KBTBD4: variants seen among roughly 807,000 people sequenced by gnomAD.
KBTBD4 encodes kelch repeat and BTB domain containing 4, also known as kelch repeat and BTB domain-containing protein 4.
A neutral mutation model predicts 43.9 loss-of-function variants in KBTBD4; 30 were observed. That is an observed-to-expected ratio of 0.68 (90% CI 0.51 to 0.93). KBTBD4 has a LOEUF of 0.93. KBTBD4 is among the 40% of genes least tolerant of loss of function. The pLI is 0.00. For synonymous variants in KBTBD4, 258 were observed against 256.9 expected (o/e 1.00, Z -0.04); for missense variants, 575 against 668.8 (o/e 0.86, Z 1.55).
Position 47,573,770 on chromosome 11 carries a change from G to A in KBTBD4, c.765C>T (p.His255=), listed in dbSNP as rs61751915. The A allele has an allele frequency of 1.7e-4, 271 of 1,574,432 alleles. No individual in the cohort carries two copies. In the African/African-American group the frequency reaches 3.1e-3, roughly 18 times the overall value. The change falls in exon 4 of 4, where the codon CAC becomes CAT. Residue 255 remains histidine, a synonymous_variant. Transcript: ENST00000430070. The surrounding 1 kb of genome is among the most constrained non-coding windows in gnomAD (Gnocchi z 4.1). ...ATGACTCTTTCCCAATCAGGTAAAT[G>A]TGCACATTCTCCCCAATTTCCTATT... is the stretch of plus-strand genomic sequence containing the variant. ...TSLKEIGENV[H]IYLIGKESSR... is the part of the protein sequence containing the mutation.
intron 3 of KBTBD4, among the ~76,000 whole-genome samples, chr11:47,574,194 A>C (rs1459633745): frequency 1.3e-5 from 2 of 152,130 alleles, no homozygotes; most frequent in Non-Finnish European, 2.9e-5. Context: ...ATAAATACAA[A>C]AAATTAAAAA....
Position 47,577,868 on chromosome 11 carries a change from A to G in KBTBD4, c.180T>C (p.Phe60=). The change falls in exon 2 of 4, where the codon TTT becomes TTC. Residue 60 remains phenylalanine, a synonymous_variant. Coordinates refer to ENST00000430070, the MANE Select transcript of KBTBD4 (RefSeq NM_018095.6). ...IMKLCLEEEL[F]ADVTISVEGR... Reference sequence around the variant, plus strand: ...CTTCCACCGAAATGGTGACATCAGCAAAGAGCTCCTCCTCTAGACACAGTT... The same window carrying G: ...CTTCCACCGAAATGGTGACATCAGCGAAGAGCTCCTCCTCTAGACACAGTT... 2 of 1,614,228 alleles carry G rather than the reference A, an allele frequency of 1.2e-6. No individual in the cohort carries two copies. Among genetic ancestry groups the G allele is most frequent in the South Asian group, 1.1e-5 (1 of 91,090 alleles).
chr11:47,577,685 AT>A lies in KBTBD4; in HGVS notation c.362del (p.His121LeufsTer4), dbSNP rs756540151. ...CCTCAGCTCGAAGTTTCACAGTCCC[AT>A]GGTAGATATAATCAACCAGGAGCTG... ...VFQLLVDYIY[H>X]GTVKLRAEEL... is the part of the protein sequence containing the mutation. On this transcript the variant is annotated frameshift_variant, in exon 2 of 4. Coordinates refer to ENST00000430070, the MANE Select transcript of KBTBD4 (RefSeq NM_018095.6). LOFTEE classifies it high-confidence loss of function. The A allele has an allele frequency of 6.2e-7, 1 of 1,614,160 alleles. No individual in the cohort carries two copies. Among genetic ancestry groups the A allele is most frequent in the Non-Finnish European group, 8.5e-7 (1 of 1,179,990 alleles).
intron 2 of KBTBD4, 61 bp from the exon 3 acceptor site, chr11:47,575,760 G>A (rs1254946349): frequency 3.6e-6 from 4 of 1,122,752 alleles, no homozygotes; most frequent in African/African-American, 3.1e-5. Flanking sequence ...TCAGAGTAAG[G>A]GACTTTAAAG....
intron 1 of KBTBD4, 68 bp downstream of exon 1, chr11:47,578,865 C>T (rs984729681): frequency 3.2e-6 from 5 of 1,550,752 alleles, no homozygotes; most frequent in African/African-American, 1.4e-5. Flanking sequence ...TCTCTCTAGG[C>T]TCTGCCACAA....
chr11:47,573,042 C>G lies in KBTBD4; in HGVS notation c.1493G>C (p.Arg498Pro). 6.2e-7 allele frequency: 1 copy of G among 1,614,148 alleles called. No individual in the cohort carries two copies. Among genetic ancestry groups the G allele is most frequent in the Non-Finnish European group, 8.5e-7 (1 of 1,180,034 alleles). Reference protein sequence around the residue: ...CNGSIYVFRDRYKKGDANTYK... With the variant: ...CNGSIYVFRDPYKKGDANTYK... ...GGTGTTGGCATCCCCCTTTTTATAT[C>G]GGTCCCGGAAGACATAGATGCTCCC... The change falls in exon 4 of 4, where the codon CGA becomes CCA. Residue 498 changes from arginine (R) to proline (P), a missense_variant. Arg to Pro is a moderately radical substitution (Grantham distance 103). Coordinates refer to ENST00000430070, the MANE Select transcript of KBTBD4 (RefSeq NM_018095.6). The surrounding 1 kb of genome is among the most constrained non-coding windows in gnomAD (Gnocchi z 4.1).
chr11:47,578,529 C>A (rs1360531944), intron 1 of KBTBD4: 1 of 669,280 alleles, frequency 1.5e-6, no homozygotes, highest in South Asian at 1.6e-5. Flanking sequence ...CTGGGATATC[C>A]GTGGGTCTTA....
chr11:47,577,593 C>G lies in KBTBD4; in HGVS notation c.455G>C (p.Arg152Pro), dbSNP rs1366274365. 6.2e-7 allele frequency: 1 copy of G among 1,614,020 alleles called. No individual in the cohort carries two copies. The highest frequency in any genetic ancestry group is 8.5e-7 in the Non-Finnish European group (1 of 1,180,036). The change falls in exon 2 of 4, where the codon CGG becomes CCG. Residue 152 changes from arginine to proline, a missense_variant. Transcript: ENST00000430070. Reference protein sequence around the residue: ...QLTSLFEECSRFLARTVQVGN... With the variant: ...QLTSLFEECSPFLARTVQVGN... Reference sequence around the variant, plus strand: ...CACTTGCACTGTGCGGGCCAAAAACCGAGAGCATTCCTCAAAGAGAGATGT... The same window carrying G: ...CACTTGCACTGTGCGGGCCAAAAACGGAGAGCATTCCTCAAAGAGAGATGT...
chr11:47,574,478 C>T (rs963472917), intron 3 of KBTBD4, among the ~76,000 whole-genome samples: 8 of 151,860 alleles, frequency 5.3e-5, no homozygotes, highest in African/African-American at 1.2e-4. Context: ...GCCTGGGAGA[C>T]GGAGTAAGAC....
At position 47,577,774 on chromosome 11, in the gene KBTBD4, A is replaced by G; in HGVS notation, c.274T>C (p.Ser92Pro). 6.2e-7 allele frequency: 1 copy of G among 1,614,192 alleles called. No homozygotes were observed. Among genetic ancestry groups the G allele is most frequent in the Non-Finnish European group, 8.5e-7 (1 of 1,180,032 alleles). ...CGGTTGTGGGCCTCCTTCAGGTTGG[A>G]AGTGAACATGGATCGGAAGAAGCAG... is the stretch of plus-strand genomic sequence containing the variant. ...QSCFFRSMFT[S>P]NLKEAHNRVI... The change falls in exon 2 of 4, where the codon TCC becomes CCC. Residue 92 changes from serine to proline, a missense_variant. Ser to Pro is a moderately conservative substitution (Grantham distance 74, BLOSUM62 -1). Coordinates refer to ENST00000430070, the MANE Select transcript of KBTBD4 (RefSeq NM_018095.6).
At chr11:47,578,171 G>A in intron 1 of KBTBD4, 143 bp from the exon 2 acceptor site, 1 of 818,094 alleles carries the variant, frequency 1.2e-6, no homozygotes, top group South Asian at 1.7e-5. Flanking sequence ...TGTCCATGAT[G>A]TCCCTGACGC....
In KBTBD4 at chr11:47,573,653, A is replaced by G. The variant is rs1363636975; in HGVS notation, c.882T>C (p.Thr294=). ...AGTCTCCACCATGCTTGCAGGCCGC[A>G]GTGATCTGGTGGCACAAACTGTTTT... ...SGQNSLCHQI[T]AACKHGGDLY... is the part of the protein sequence containing the mutation. Residue 294 remains threonine, a synonymous_variant, in exon 4 of 4, where the codon ACT becomes ACC. Transcript: ENST00000430070. The surrounding 1 kb of genome is among the most constrained non-coding windows in gnomAD (Gnocchi z 4.1). 5 of 1,613,690 alleles carry G rather than the reference A, an allele frequency of 3.1e-6. No homozygotes were observed. The highest frequency in any genetic ancestry group is 2.2e-5 in the East Asian group (1 of 44,900).
Position 47,573,353 on chromosome 11 carries a change from C to G in KBTBD4, c.1182G>C (p.Gly394=). Residue 394 remains glycine, a synonymous_variant, in exon 4 of 4, where the codon GGG becomes GGC. Transcript: ENST00000430070. The surrounding 1 kb of genome is among the most constrained non-coding windows in gnomAD (Gnocchi z 4.1). ...VSGAAGANLN[G]IIYLLGGEEN... is the part of the protein sequence containing the mutation. ...CCTCCCCCCCTAGTAAGTAGATGAT[C>G]CCGTTGAGGTTGGCACCAGCAGCCC... 1 of 1,614,146 alleles carries G rather than the reference C, an allele frequency of 6.2e-7. No individual in the cohort carries two copies. The highest frequency in any genetic ancestry group is 1.3e-5 in the African/African-American group (1 of 75,026).
chr11:47,573,968 G>A lies in KBTBD4; in HGVS notation c.745-178C>T, dbSNP rs571494986. Among the ~76,000 whole-genome samples the A allele has an allele frequency of 4.6e-5, 7 of 152,170 alleles. No individual in the cohort carries two copies. The highest frequency in any genetic ancestry group is 1.4e-4 in the African/African-American group (6 of 41,488). Reference sequence around the variant, plus strand: ...CACTTTCTTTGAGGCAATTTATGCCGGGCGGAGAATCTGTTGTATTCATCC... The same window carrying A: ...CACTTTCTTTGAGGCAATTTATGCCAGGCGGAGAATCTGTTGTATTCATCC... On this transcript the variant is annotated intron_variant, in intron 3 of 3. Transcript: ENST00000430070. The surrounding 1 kb of genome is among the most constrained non-coding windows in gnomAD (Gnocchi z 4.1).
At chr11:47,576,272 T>G (rs1760881501) in intron 2 of KBTBD4, among the ~76,000 whole-genome samples, 1 of 147,306 alleles carries the variant, frequency 6.8e-6, no homozygotes, top group African/African-American at 2.5e-5. Flanking sequence ...GTTCACGCCA[T>G]TCTCCTGCCT....
chr11:47,575,744 A>G lies in KBTBD4; in HGVS notation c.638-45T>C, dbSNP rs376395463. On this transcript the variant is annotated intron_variant, in intron 2 of 3. Coordinates refer to ENST00000430070, the MANE Select transcript of KBTBD4 (RefSeq NM_018095.6). ...GGCATGGTCAATGACAATCCGAAAG[A>G]GAAATTCAGAGTAAGGGACTTTAAA... is the stretch of plus-strand genomic sequence containing the variant. 6 of 1,258,182 alleles carry G rather than the reference A, an allele frequency of 4.8e-6. No homozygotes were observed. In the African/African-American group the frequency reaches 7.5e-5, roughly 16 times the overall value. 77.9% of individuals were successfully genotyped at this position (1,258,182 alleles called of 1,614,324 possible).
intron 3 of KBTBD4, among the ~76,000 whole-genome samples, chr11:47,574,780 G>C (rs779364032): frequency 1.6e-4 from 24 of 151,924 alleles, no homozygotes; most frequent in Non-Finnish European, 3.1e-4. Context: ...CTTGAACCCA[G>C]GAGGTAGAGG....
In KBTBD4 at chr11:47,573,871, G is replaced by C; in HGVS notation, c.745-81C>G. On this transcript the variant is annotated intron_variant, in intron 3 of 3. Transcript: ENST00000430070. The surrounding 1 kb of genome is among the most constrained non-coding windows in gnomAD (Gnocchi z 4.1). ...CTAAGACACATATCCTTAAGATCCTGGCCCTCACACTTGTTCCTAGCTTTA... is the reference window on the plus strand; with the variant it reads ...CTAAGACACATATCCTTAAGATCCTCGCCCTCACACTTGTTCCTAGCTTTA... 1 of 1,279,844 alleles carries C rather than the reference G, an allele frequency of 7.8e-7. No individual in the cohort carries two copies. Among genetic ancestry groups the C allele is most frequent in the Non-Finnish European group, 1.1e-6 (1 of 925,516 alleles). The allele number at this position is 1,279,844 out of a possible 1,614,324, so 79.3% of individuals were successfully genotyped here. A position where few individuals can be genotyped will look rare whatever the true frequency, so the allele number is the denominator to read the frequency against.
intron 3 of KBTBD4, 130 bp downstream of exon 3, chr11:47,575,463 C>T (rs1477725421): frequency 7.7e-5 from 46 of 599,948 alleles, no homozygotes; most frequent in South Asian, 6.2e-4. Context: ...GCCGAGATTG[C>T]GCCACTGCAC....
Sources: allele counts gnomAD v4.1 joint callset (sites outside exome capture counted in the v4.1 genomes callset), GRCh38; gene constraint gnomAD v4.1.1; non-coding constraint Gnocchi (gnomAD v3.1); transcripts MANE v1.5; gene names NCBI Gene and HGNC (gene_info 2026-07-23, HGNC 2026-07-21).